Variants in SCAP observed in about 807,000 individuals in gnomAD.
SCAP encodes the protein sterol regulatory element-binding protein cleavage-activating protein.
In SCAP, 65 loss-of-function variants were observed where a neutral mutation model predicts 123.6. The ratio of observed to expected loss-of-function variants is 0.53; its 90% CI spans 0.43 to 0.65. The LOEUF is 0.65. Ranked by LOEUF, SCAP falls within the 30% of genes least tolerant of loss-of-function variation. The pLI is 0.00. For synonymous variants in SCAP, 740 were observed against 726.3 expected, an observed-to-expected ratio of 1.02 and a Z score of -0.30; for missense variants, 1,398 against 1,712.5, an observed-to-expected ratio of 0.82 and a Z score of 3.24.
chr3:47,461,645 AAC>A, intron 1 of SCAP, among the ~76,000 whole-genome samples: 1 of 152,326 alleles, frequency 6.6e-6, no homozygotes, highest in East Asian at 1.9e-4. Flanking sequence ...GACAACAATC[AAC>A]ACTCTGGTTC....
rs550814837 is a variant in SCAP at position 47,474,540 on chromosome 3, A to T, written c.-99+1259T>A. 5.3e-5 allele frequency among the ~76,000 whole-genome samples: 8 copies of T among 152,310 alleles called. No homozygotes were observed. In the East Asian group the frequency reaches 1.3e-3, roughly 26 times the overall value. On this transcript the variant is annotated intron_variant, in intron 1 of 22. Coordinates refer to ENST00000265565, the MANE Select transcript of SCAP (RefSeq NM_012235.4). The stretch of plus-strand genomic sequence containing the variant: ...CCGGGCACGGTGGTTCACGCCTGTA[A>T]TACCAACACTTTGGGAGGCCAAGGC...
rs529464275 is a variant in SCAP at position 47,422,544 on chromosome 3, G to A, written c.1151-8C>T. On this transcript the variant is annotated splice_polypyrimidine_tract_variant and splice_region_variant and intron_variant, in intron 9 of 22. Coordinates refer to ENST00000265565, the MANE Select transcript of SCAP (RefSeq NM_012235.4). ...AGCTCTCGCTGCTTAGGCCTGCAGA[G>A]GGCAGCAACAGGGCACAGGGCAACA... 4.4e-6 allele frequency: 7 copies of A among 1,607,404 alleles called. No individual in the cohort carries two copies. The African/African-American group carries it at 8.0e-5, about 18-fold the overall frequency.
chr3:47,423,141 T>C (rs934578266), intron 9 of SCAP, among the ~76,000 whole-genome samples: 3 of 152,216 alleles, frequency 2.0e-5, no homozygotes, highest in Non-Finnish European at 4.4e-5. Flanking sequence ...TCTGGATGAA[T>C]GGACGGCTGC....
In SCAP at chr3:47,414,526, T is replaced by C. The variant is rs777658182; in HGVS notation, c.3387+46A>G. On this transcript the variant is annotated intron_variant, in intron 21 of 22. Transcript: ENST00000265565. ...ACCAGCTCCCAGGAGTCAGCAAACA[T>C]GGGCCACAGACTCTGTACCCCCTAC... The C allele has an allele frequency of 6.2e-6, 10 of 1,608,264 alleles. No homozygotes were observed. The Admixed American group carries it at 1.3e-4, about 21-fold the overall frequency.
At chr3:47,471,385 G>C (rs1348121451) in intron 1 of SCAP, among the ~76,000 whole-genome samples, 1 of 152,148 alleles carries the variant, frequency 6.6e-6, no homozygotes, top group Non-Finnish European at 1.5e-5. Flanking sequence ...AAACAATCTA[G>C]ACGATTAAAA....
intron 3 of SCAP, among the ~76,000 whole-genome samples, chr3:47,430,757 G>C (rs976450716): frequency 6.6e-6 from 1 of 152,164 alleles, no homozygotes; most frequent in African/African-American, 2.4e-5. Flanking sequence ...CCTAGACAGC[G>C]GTGTACTGCG....
intron 18 of SCAP, 104 bp from the exon 19 acceptor site, chr3:47,415,284 AG>A: frequency 9.5e-7 from 1 of 1,056,038 alleles, no homozygotes; most frequent in East Asian, 2.6e-5. Flanking sequence ...AAGGCACAGG[AG>A]GGACATGGCC....
At chr3:47,463,476 C>T (rs545367189) in intron 1 of SCAP, among the ~76,000 whole-genome samples, 1 of 152,028 alleles carries the variant, frequency 6.6e-6, no homozygotes, top group Non-Finnish European at 1.5e-5. Context: ...CAGAGGCAGG[C>T]GGATCACTTG....
At chr3:47,474,840 A>T (rs1313020821) in intron 1 of SCAP, among the ~76,000 whole-genome samples, 2 of 152,160 alleles carry the variant, frequency 1.3e-5, no homozygotes, top group African/African-American at 4.8e-5. Context: ...TCACTGAGGA[A>T]CACCTAAAAT....
chr3:47,429,362 C>A (rs1706269987), intron 3 of SCAP, among the ~76,000 whole-genome samples: 1 of 152,218 alleles, frequency 6.6e-6, no homozygotes, highest in African/African-American at 2.4e-5. Context: ...AGGGCCCATG[C>A]CTGTTTTTCT....
intron 16 of SCAP, 40 bp downstream of exon 16, chr3:47,418,094 G>A: frequency 6.9e-7 from 1 of 1,457,420 alleles, no homozygotes; most frequent in Non-Finnish European, 9.3e-7. Context: ...GGTGAGGGGG[G>A]TTGTGGGGGC....
At chr3:47,451,790 G>C (rs1424589981) in intron 1 of SCAP, among the ~76,000 whole-genome samples, 2 of 122,668 alleles carry the variant, frequency 1.6e-5, no homozygotes, top group Admixed American at 1.8e-4. Flanking sequence ...CTGTGAGCTG[G>C]ATACCCTTCT....
At chr3:47,464,160 C>A (rs1028822563) in intron 1 of SCAP, among the ~76,000 whole-genome samples, 16 of 152,068 alleles carry the variant, frequency 1.1e-4, no homozygotes, top group Non-Finnish European at 1.9e-4. Context: ...GGATTACAGG[C>A]GCTTCCCACT....
intron 18 of SCAP, 72 bp from the exon 19 acceptor site, chr3:47,415,252 G>A (rs1705521872): frequency 2.9e-6 from 4 of 1,396,160 alleles, no homozygotes; most frequent in Non-Finnish European, 3.9e-6. Flanking sequence ...ATGTGGACAT[G>A]AGAGTTAAGG....
chr3:47,426,795 T>G (rs945298530), intron 6 of SCAP, among the ~76,000 whole-genome samples: 3 of 152,170 alleles, frequency 2.0e-5, no homozygotes, highest in Non-Finnish European at 2.9e-5. Context: ...TCGAGTGCCC[T>G]TGCCAATTGG....
At position 47,417,474 on chromosome 3, in the gene SCAP, G is replaced by A. The variant is rs372158341; in HGVS notation, c.2800C>T (p.Arg934Cys). Reference sequence around the variant, plus strand: ...AGCACCGGCCCAGGCGAGGGTGGGCGCAGGGCTGGTGTGCAGACGGCCGCC... The same window carrying A: ...AGCACCGGCCCAGGCGAGGGTGGGCACAGGGCTGGTGTGCAGACGGCCGCC... ...GLAAVCTPAL[R>C]PPSPGPVLSQ... Residue 934 changes from arginine (R) to cysteine (C), a missense_variant, in exon 17 of 23, where the codon CGC becomes TGC. Arg to Cys is a radical substitution (Grantham distance 180). Coordinates refer to ENST00000265565, the MANE Select transcript of SCAP (RefSeq NM_012235.4). The A allele has an allele frequency of 6.9e-5, 107 of 1,550,644 alleles. 1 individual carries two copies. In the Admixed American group the frequency reaches 1.5e-3, roughly 22 times the overall value.
Position 47,414,029 on chromosome 3 carries a change from A to G in SCAP, c.3665T>C (p.Val1222Ala). The G allele has an allele frequency of 6.2e-7, 1 of 1,613,290 alleles. No homozygotes were observed. The highest frequency in any genetic ancestry group is 1.1e-5 in the South Asian group (1 of 91,088). The change falls in exon 23 of 23, where the codon GTC (valine) becomes GCC (alanine). Residue 1222 changes from valine to alanine, a missense_variant. By Grantham distance (64) the Val-to-Ala change is moderately conservative (BLOSUM62 0). Transcript: ENST00000265565. ...NLLVTGGQGC[V>A]SFWDLNYGDL... ...CCCGTAGTTTAGGTCCCAAAAGGAG[A>G]CACAGCCCTGGCCGCCAGTCACCAG... is the stretch of plus-strand genomic sequence containing the variant.
In SCAP at chr3:47,439,713, C is replaced by T. The variant is rs1287572022; in HGVS notation, c.122+3159G>A. ...AAACAGACACCTCTTGCCATAATGC[C>T]TATTTGCTACACATTTCATCAGATT... On this transcript the variant is annotated intron_variant, in intron 2 of 22. Transcript: ENST00000265565. The surrounding 1 kb of genome is among the most constrained non-coding windows in gnomAD (Gnocchi z 4.0). 6.6e-6 allele frequency among the ~76,000 whole-genome samples: 1 copy of T among 152,176 alleles called. No individual in the cohort carries two copies. The highest frequency in any genetic ancestry group is 2.1e-4 in the South Asian group (1 of 4,836).
chr3:47,443,028 A>G lies in SCAP; in HGVS notation c.-35T>C. 1 of 1,612,484 alleles carries G rather than the reference A, an allele frequency of 6.2e-7. No individual in the cohort carries two copies. Among genetic ancestry groups the G allele is most frequent in the Non-Finnish European group, 8.5e-7 (1 of 1,179,862 alleles). On this transcript the variant is annotated 5_prime_UTR_variant, in exon 2 of 23. Coordinates refer to ENST00000265565, the MANE Select transcript of SCAP (RefSeq NM_012235.4). The stretch of plus-strand genomic sequence containing the variant: ...AAGTCACCTTGCTGCCATCCCGGAA[A>G]GTGACCATGGATCACCCTGGCACAC...
Sources: gnomAD v4.1 joint callset for allele counts (sites outside exome capture counted in the v4.1 genomes callset) on GRCh38, gnomAD v4.1.1 for gene constraint, Gnocchi (gnomAD v3.1) non-coding constraint, MANE v1.5 for transcripts, NCBI Gene and HGNC (gene_info 2026-07-23, HGNC 2026-07-21) for gene names.